The following SUGCT variants were observed in gnomAD, a reference collection of about 807,000 sequenced individuals.
The protein encoded by SUGCT is succinyl-CoA:glutarate-CoA transferase.
SUGCT carries 41 observed loss-of-function variants against 55.0 expected under a neutral mutation model. That is an observed-to-expected ratio of 0.74 (90% CI 0.58 to 0.97). The LOEUF is 0.97. Ranked by LOEUF, SUGCT falls within the 50% of genes least tolerant of loss-of-function variation. The probability of loss-of-function intolerance (pLI) is 0.00; values close to 1 mark genes in which losing one functional copy is unlikely to be tolerated. For synonymous variants in SUGCT, 187 were observed against 200.4 expected, an observed-to-expected ratio of 0.93 and a Z score of 0.56; for missense variants, 568 against 547.8, an observed-to-expected ratio of 1.04 and a Z score of -0.37.
intron 13 of SUGCT, among the ~76,000 whole-genome samples, chr7:40,755,223 C>T (rs1453414819): frequency 1.3e-5 from 2 of 152,102 alleles, no homozygotes; most frequent in Non-Finnish European, 2.9e-5. Flanking sequence ...GTAGGACTTG[C>T]GAGTGGAGCT....
intron 13 of SUGCT, among the ~76,000 whole-genome samples, chr7:40,805,876 C>A (rs1482795322): frequency 2.0e-5 from 3 of 152,146 alleles, no homozygotes; most frequent in Non-Finnish European, 4.4e-5. Context: ...GGACTAAAAT[C>A]ATTTGTTTGT....
chr7:40,703,914 CT>C (rs1260119671), intron 12 of SUGCT, among the ~76,000 whole-genome samples: 1 of 152,244 alleles, frequency 6.6e-6, no homozygotes, highest in East Asian at 1.9e-4. Context: ...CACTAAAGGT[CT>C]GACAAAAGCA....
intron 12 of SUGCT, among the ~76,000 whole-genome samples, chr7:40,644,400 C>A (rs752910182): frequency 1.7e-4 from 26 of 152,206 alleles, no homozygotes; most frequent in Non-Finnish European, 3.2e-4. Context: ...GATTATGGAG[C>A]CACTCACTAC....
At chr7:40,514,683 C>G (rs1694423114) in intron 12 of SUGCT, among the ~76,000 whole-genome samples, 1 of 136,102 alleles carries the variant, frequency 7.3e-6, no homozygotes, top group African/African-American at 2.8e-5. Context: ...GCACTGCGGC[C>G]TGGGCAACAA....
intron 9 of SUGCT, among the ~76,000 whole-genome samples, chr7:40,322,978 A>AAAATAAAATAAAATAAAATG (rs1795830997): frequency 1.3e-5 from 2 of 151,898 alleles, no homozygotes; most frequent in Non-Finnish European, 2.9e-5. Context: ...TAAAATAAAT[A>AAAATAAAATAAAATAAAATG]AAATAAAATA....
chr7:40,977,916 C>A, the SUGCT span, among the ~76,000 whole-genome samples: 2 of 152,294 alleles, frequency 1.3e-5, no homozygotes, highest in African/African-American at 4.8e-5. Flanking sequence ...CCAAAGCCTG[C>A]CTCTGTAGCC....
chr7:40,932,355 A>G, the SUGCT span, among the ~76,000 whole-genome samples: 4 of 152,128 alleles, frequency 2.6e-5, no homozygotes, highest in South Asian at 8.3e-4. Context: ...TATGTGGTCA[A>G]TTTTGGAATA....
intron 12 of SUGCT, among the ~76,000 whole-genome samples, chr7:40,623,787 G>A (rs944943182): frequency 3.3e-5 from 5 of 151,990 alleles, no homozygotes; most frequent in African/African-American, 9.7e-5. Context: ...GATGGCATAC[G>A]AGAGAATTAT....
intron 10 of SUGCT, among the ~76,000 whole-genome samples, chr7:40,452,989 G>A (rs1168480205): frequency 6.6e-6 from 1 of 152,184 alleles, no homozygotes; most frequent in Non-Finnish European, 1.5e-5. Context: ...TTTCCCTCTA[G>A]TTATTCCTTC....
chr7:40,793,239 C>G (rs1790398781), intron 13 of SUGCT: 1 of 152,094 alleles, frequency 6.6e-6, no homozygotes, highest in South Asian at 2.1e-4. Context: ...GAATTTGCGT[C>G]TTTGATGTGG....
intron 7 of SUGCT, among the ~76,000 whole-genome samples, chr7:40,254,505 C>T (rs1046315767): frequency 1.3e-5 from 2 of 152,066 alleles, no homozygotes; most frequent in Middle Eastern, 3.4e-3. Flanking sequence ...TCAAGCAATT[C>T]TCCTGTCTCA....
chr7:40,596,769 A>G (rs1350583538), intron 12 of SUGCT, among the ~76,000 whole-genome samples: 1 of 152,108 alleles, frequency 6.6e-6, no homozygotes, highest in Non-Finnish European at 1.5e-5. Context: ...TGTCTTCCCT[A>G]TTACCTCCTT....
the SUGCT span, among the ~76,000 whole-genome samples, chr7:40,925,808 T>G: frequency 6.6e-6 from 1 of 152,182 alleles, no homozygotes; most frequent in Admixed American, 6.5e-5. Flanking sequence ...CATTTAAAAT[T>G]TCTTGCCAGT....
At chr7:40,852,628 T>G (rs1793907872) in intron 13 of SUGCT, among the ~76,000 whole-genome samples, 1 of 151,240 alleles carries the variant, frequency 6.6e-6, no homozygotes, top group South Asian at 2.1e-4. Flanking sequence ...TTCAATTCCT[T>G]GAACATCAGT....
At chr7:40,807,676 G>A (rs1791177979) in intron 13 of SUGCT, among the ~76,000 whole-genome samples, 1 of 152,186 alleles carries the variant, frequency 6.6e-6, no homozygotes, top group Non-Finnish European at 1.5e-5. Flanking sequence ...GTCCCATGGT[G>A]TATTAGTTAG....
In SUGCT at chr7:40,180,957, T is replaced by C; in HGVS notation, c.111T>C (p.Asn37=). The C allele has an allele frequency of 6.2e-7, 1 of 1,608,918 alleles. No homozygotes were observed. Residue 37 remains asparagine, a synonymous_variant, in exon 2 of 14, where the codon AAT becomes AAC. Transcript: ENST00000335693. ...WTGRPQSDMN[N]IKPLEGVKIL... The stretch of plus-strand genomic sequence containing the variant: ...TCTCTGTTTTGCCAGATATGAACAA[T>C]ATAAAGCCATTGGAAGGGGTAAAAA...
intron 12 of SUGCT, chr7:40,539,187 A>G (rs910185326): frequency 5.9e-5 from 9 of 152,146 alleles, no homozygotes; most frequent in Admixed American, 6.6e-5. Flanking sequence ...ACTGACTAGG[A>G]TGCCTTGGTT....
intron 8 of SUGCT, among the ~76,000 whole-genome samples, chr7:40,308,077 A>C (rs2151091473): frequency 6.6e-6 from 1 of 152,286 alleles, no homozygotes; most frequent in Non-Finnish European, 1.5e-5. Context: ...GTGAGAATTT[A>C]TTGATTTAGT....
chr7:40,629,731 ATACCAGTT>A (rs959597571), intron 12 of SUGCT, among the ~76,000 whole-genome samples: 1 of 152,206 alleles, frequency 6.6e-6, no homozygotes, highest in African/African-American at 2.4e-5. Context: ...GTATTAAGAA[ATACCAGTT>A]TTTAAATCTA....
Sources: gnomAD v4.1 joint callset for allele counts (sites outside exome capture counted in the v4.1 genomes callset) on GRCh38, gnomAD v4.1.1 for gene constraint, MANE v1.5 for transcripts, NCBI Gene and HGNC (gene_info 2026-07-23, HGNC 2026-07-21) for gene names.